The following DLGAP2 variants were observed in gnomAD, a reference collection of about 807,000 sequenced individuals.
The protein encoded by DLGAP2 is disks large-associated protein 2.
DLGAP2 carries 26 observed loss-of-function variants against 100.3 expected under a neutral mutation model. The ratio of observed to expected loss-of-function variants is 0.26; its 90% CI spans 0.19 to 0.36. The LOEUF is 0.36. Among genes scored for constraint, DLGAP2 ranks in the 10% least tolerant of loss-of-function variants. The pLI, the probability that DLGAP2 is intolerant of heterozygous loss-of-function variation, is 1.00. For synonymous variants in DLGAP2, 886 were observed against 630.1 expected, an observed-to-expected ratio of 1.41 and a Z score of -6.08; for missense variants, 1,858 against 1,453.2, an observed-to-expected ratio of 1.28 and a Z score of -4.53.
intron 6 of DLGAP2, among the ~76,000 whole-genome samples, chr8:1,591,916 G>C (rs1265286710): frequency 6.6e-6 from 1 of 152,202 alleles, no homozygotes; most frequent in East Asian, 1.9e-4. Context: ...CTCCCACCCG[G>C]GGCGGTGGAT....
chr8:1,465,793 G>A (rs1798611817), intron 3 of DLGAP2, among the ~76,000 whole-genome samples: 1 of 152,246 alleles, frequency 6.6e-6, no homozygotes, highest in Admixed American at 6.5e-5. Flanking sequence ...ACTCTTCCCG[G>A]CCCCTCTGTG....
chr8:916,439 C>A (rs1378046550), intron 2 of DLGAP2, among the ~76,000 whole-genome samples: 2 of 152,174 alleles, frequency 1.3e-5, no homozygotes, highest in African/African-American at 4.8e-5. Context: ...AAAAACCAAA[C>A]ACCACATGTT....
At chr8:1,151,721 C>T (rs935374589) in intron 2 of DLGAP2, among the ~76,000 whole-genome samples, 1 of 152,236 alleles carries the variant, frequency 6.6e-6, no homozygotes, top group Admixed American at 6.5e-5. Flanking sequence ...GGCCGATTGT[C>T]AGGTGGCGTC....
At chr8:1,287,087 AGTATGTGTGT>A (rs1799937338) in intron 3 of DLGAP2, among the ~76,000 whole-genome samples, 1 of 151,546 alleles carries the variant, frequency 6.6e-6, no homozygotes, top group African/African-American at 2.4e-5. Context: ...GTTTCGGTTC[AGTATGTGTGT>A]GCATGGTTAA....
rs1446141774 is a variant in DLGAP2 at position 1,548,885 on chromosome 8, G to T, written c.432G>T (p.Glu144Asp). Residue 144 changes from glutamate to aspartate, a missense_variant, in exon 5 of 15, where the codon GAG (glutamate) becomes GAT (aspartate). Transcript: ENST00000637795. The stretch of plus-strand genomic sequence containing the variant: ...CGCCGCGCAGCTCGGTGCACTCGGA[G>T]TGCGTGATGATGCCGGTGGTGCTGG... ...RCSPRSSVHS[E>D]CVMMPVVLGD... The T allele has an allele frequency of 1.3e-6, 2 of 1,596,310 alleles. No homozygotes were observed. The highest frequency in any genetic ancestry group is 1.3e-5 in the African/African-American group (1 of 74,874).
rs1436951213 is a variant in DLGAP2, at chr8:1,704,814, A to G, written c.*3408A>G. On this transcript the variant is annotated 3_prime_UTR_variant, in exon 15 of 15. Transcript: ENST00000637795. ...ACAAACTCAGTGACCTACTACGCAGAGGGAATTTTTCCCTGCTGCTTCTTA... is the reference window on the plus strand; with the variant it reads ...ACAAACTCAGTGACCTACTACGCAGGGGGAATTTTTCCCTGCTGCTTCTTA... 1 of 151,974 alleles carries G rather than the reference A, an allele frequency of 6.6e-6. No individual in the cohort carries two copies. The highest frequency in any genetic ancestry group is 1.5e-5 in the Non-Finnish European group (1 of 68,000). The allele number at this position is 151,974 out of a possible 1,614,324, so 9.4% of individuals were successfully genotyped here. A position where few individuals can be genotyped will look rare whatever the true frequency, so the allele number is the denominator to read the frequency against.
chr8:835,834 C>T lies in DLGAP2; in HGVS notation c.19-72078C>T, dbSNP rs949822902. 3.9e-5 allele frequency among the ~76,000 whole-genome samples: 6 copies of T among 152,300 alleles called. No individual in the cohort carries two copies. The South Asian group carries it at 1.0e-3, about 26-fold the overall frequency. ...TCTCCCCGTACCAGCCGGTCTGTGG[C>T]ACGTTCTTTCGTGTGGGTCCAGGCT... On this transcript the variant is annotated intron_variant, in intron 1 of 14. Transcript: ENST00000637795.
At chr8:1,387,440 A>G (rs1332107533) in intron 3 of DLGAP2, among the ~76,000 whole-genome samples, 4 of 152,212 alleles carry the variant, frequency 2.6e-5, no homozygotes, top group Non-Finnish European at 5.9e-5. Context: ...GGAGACACAC[A>G]TCACAGCATT....
At chr8:955,601 G>C (rs145713151) in intron 2 of DLGAP2, among the ~76,000 whole-genome samples, 1 of 151,992 alleles carries the variant, frequency 6.6e-6, no homozygotes, top group African/African-American at 2.4e-5. Flanking sequence ...TATAATACGT[G>C]GGATCTACTA....
At chr8:1,266,177 G>A (rs546141698) in intron 3 of DLGAP2, among the ~76,000 whole-genome samples, 5 of 152,358 alleles carry the variant, frequency 3.3e-5, no homozygotes, top group Admixed American at 1.3e-4. Flanking sequence ...CAACAGGGAC[G>A]CTGTCTACTA....
intron 3 of DLGAP2, among the ~76,000 whole-genome samples, chr8:1,468,655 T>C (rs928637008): frequency 6.6e-6 from 1 of 152,188 alleles, no homozygotes; most frequent in Non-Finnish European, 1.5e-5. Context: ...CATTCCTCGC[T>C]TTATTTACTG....
intron 6 of DLGAP2, among the ~76,000 whole-genome samples, chr8:1,619,099 G>T (rs1211996460): frequency 6.6e-6 from 1 of 152,210 alleles, no homozygotes; most frequent in Non-Finnish European, 1.5e-5. Flanking sequence ...GGAAATGTCT[G>T]TCTGACAAAG....
At chr8:1,476,875 C>T (rs375555596) in intron 3 of DLGAP2, among the ~76,000 whole-genome samples, 193 of 139,994 alleles carry the variant, frequency 1.4e-3, no homozygotes, top group African/African-American at 4.8e-3. Flanking sequence ...CGAGTGCTGT[C>T]GGCCAACCCA....
intron 3 of DLGAP2, among the ~76,000 whole-genome samples, chr8:1,488,258 C>T (rs148598636): frequency 1.8e-4 from 28 of 152,250 alleles, no homozygotes; most frequent in African/African-American, 6.7e-4. Flanking sequence ...GCCTCATCTC[C>T]CAAACACAGA....
At chr8:960,237 C>CTTTTTTTTT (rs71528625) in intron 2 of DLGAP2, among the ~76,000 whole-genome samples, 10,166 of 44,576 alleles carry the variant, frequency 0.23, 2,982 homozygotes, top group Admixed American at 0.5. Flanking sequence ...TGAAGTATAT[C>CTTTTTTTTT]TTTTTTTTTT....
At chr8:1,543,161 AT>A (rs1190183520) in intron 4 of DLGAP2, among the ~76,000 whole-genome samples, 1 of 152,124 alleles carries the variant, frequency 6.6e-6, no homozygotes, top group African/African-American at 2.4e-5. Flanking sequence ...TGGCCTTTGC[AT>A]TTTTTTGATG....
intron 3 of DLGAP2, among the ~76,000 whole-genome samples, chr8:1,457,278 G>A (rs899876293): frequency 2.6e-5 from 4 of 152,034 alleles, no homozygotes; most frequent in African/African-American, 7.2e-5. Context: ...ATAATTCATC[G>A]ACGTGTTCGA....
At chr8:895,387 C>G (rs947365993) in intron 1 of DLGAP2, among the ~76,000 whole-genome samples, 11 of 152,158 alleles carry the variant, frequency 7.2e-5, no homozygotes, top group African/African-American at 2.7e-4. Flanking sequence ...GCAGCATCCC[C>G]CGTGCTGAGA....
intron 1 of DLGAP2, among the ~76,000 whole-genome samples, chr8:796,490 G>A (rs1348385139): frequency 6.6e-6 from 1 of 152,142 alleles, no homozygotes; most frequent in Non-Finnish European, 1.5e-5. Context: ...GTGGGGAGGG[G>A]CAGAGGGTGT....
Sources: allele counts gnomAD v4.1 joint callset (sites outside exome capture counted in the v4.1 genomes callset), GRCh38; gene constraint gnomAD v4.1.1; transcripts MANE v1.5; gene names NCBI Gene and HGNC (gene_info 2026-07-23, HGNC 2026-07-21).